SPOCK3: variants seen among roughly 807,000 people sequenced by gnomAD.
SPOCK3 encodes the protein SPARC (osteonectin), cwcv and kazal like domains proteoglycan 3, also known as testican-3.
A neutral mutation model predicts 56.6 loss-of-function variants in SPOCK3; 30 were observed. The observed-to-expected ratio is 0.53, with a 90% CI of 0.40 to 0.72. The LOEUF is 0.72. Among genes scored for constraint, SPOCK3 ranks in the 30% least tolerant of loss-of-function variants. SPOCK3 has a pLI of 0.00. For synonymous variants in SPOCK3, 196 were observed against 183.3 expected (o/e 1.07, Z -0.56); for missense variants, 527 against 530.0 (o/e 0.99, Z 0.06).
chr4:166,797,619 G>A (rs1742100485), intron 6 of SPOCK3, among the ~76,000 whole-genome samples: 1 of 151,582 alleles, frequency 6.6e-6, no homozygotes, highest in Non-Finnish European at 1.5e-5. Flanking sequence ...CATGAGTGAT[G>A]GAAACATTTT....
At chr4:166,810,224 T>C (rs1743628283) in intron 6 of SPOCK3, among the ~76,000 whole-genome samples, 1 of 152,120 alleles carries the variant, frequency 6.6e-6, no homozygotes, top group Non-Finnish European at 1.5e-5. Flanking sequence ...GTGTCCCTGA[T>C]AGTCTTCAAC....
At chr4:167,145,880 T>C (rs554527059) in intron 2 of SPOCK3, among the ~76,000 whole-genome samples, 2 of 152,056 alleles carry the variant, frequency 1.3e-5, no homozygotes, top group Non-Finnish European at 2.9e-5. Flanking sequence ...AGACCATAGA[T>C]GCTATGAAGA....
At chr4:166,752,289 C>T (rs1271175113) in intron 8 of SPOCK3, among the ~76,000 whole-genome samples, 1 of 152,070 alleles carries the variant, frequency 6.6e-6, no homozygotes, top group African/African-American at 2.4e-5. Context: ...TCCCAAAGTG[C>T]CAGGATTACA....
At chr4:166,903,593 T>A (rs1398245456) in intron 5 of SPOCK3, among the ~76,000 whole-genome samples, 2 of 152,124 alleles carry the variant, frequency 1.3e-5, no homozygotes, top group Non-Finnish European at 2.9e-5. Flanking sequence ...TCGAGCCTAC[T>A]CTACCATTCT....
chr4:166,745,020 C>T (rs556473378), intron 8 of SPOCK3, among the ~76,000 whole-genome samples: 38 of 152,184 alleles, frequency 2.5e-4, no homozygotes, highest in Non-Finnish European at 4.1e-4. Context: ...GATTGGTGTA[C>T]GTGAAAGTGA....
intron 7 of SPOCK3, among the ~76,000 whole-genome samples, chr4:166,789,580 A>C (rs530456196): frequency 1.3e-5 from 2 of 152,208 alleles, no homozygotes; most frequent in Non-Finnish European, 2.9e-5. Flanking sequence ...AAAGTTTTTA[A>C]CAAAGATATT....
chr4:166,904,688 TG>T (rs1320429998), intron 5 of SPOCK3, among the ~76,000 whole-genome samples: 1 of 151,928 alleles, frequency 6.6e-6, no homozygotes, highest in African/African-American at 2.4e-5. Context: ...AGAGTAGAAT[TG>T]GGGGTGTTAG....
intron 2 of SPOCK3, among the ~76,000 whole-genome samples, chr4:167,214,873 C>T (rs184021742): frequency 6.6e-6 from 1 of 152,120 alleles, no homozygotes; most frequent in African/African-American, 2.4e-5. Context: ...AGAAACCCAG[C>T]AGCCTACTGT....
intron 2 of SPOCK3, among the ~76,000 whole-genome samples, chr4:167,072,902 A>G (rs1487277752): frequency 2.6e-5 from 4 of 151,880 alleles, no homozygotes; most frequent in African/African-American, 9.7e-5. Context: ...ATCAAAGGCT[A>G]AATTAAGGTC....
At chr4:167,151,592 G>A (rs1424999353) in intron 2 of SPOCK3, among the ~76,000 whole-genome samples, 2 of 151,834 alleles carry the variant, frequency 1.3e-5, no homozygotes, top group African/African-American at 2.4e-5. Flanking sequence ...CCGCCACCAC[G>A]CCTGGCTAAT....
At chr4:167,223,275 TA>T (rs1309729436) in intron 2 of SPOCK3, among the ~76,000 whole-genome samples, 1 of 143,262 alleles carries the variant, frequency 7.0e-6, no homozygotes, top group African/African-American at 2.5e-5. Context: ...TATTCATTTA[TA>T]AATATGTATT....
At chr4:166,874,128 G>T (rs956376834) in intron 6 of SPOCK3, among the ~76,000 whole-genome samples, 1 of 152,046 alleles carries the variant, frequency 6.6e-6, no homozygotes, top group African/African-American at 2.4e-5. Flanking sequence ...GTCTTTCTCT[G>T]GGGTAGAGGT....
At chr4:166,934,817 T>G (rs997125551) in intron 4 of SPOCK3, among the ~76,000 whole-genome samples, 1 of 152,030 alleles carries the variant, frequency 6.6e-6, no homozygotes, top group African/African-American at 2.4e-5. Context: ...AAAGGCAGTT[T>G]AAATGGTAAT....
intron 2 of SPOCK3, among the ~76,000 whole-genome samples, chr4:167,156,822 C>T (rs180991973): frequency 2.0e-5 from 3 of 152,180 alleles, no homozygotes; most frequent in African/African-American, 7.2e-5. Flanking sequence ...TATTAAGACT[C>T]TTCCACAATT....
At chr4:166,954,749 A>T (rs547109762) in intron 4 of SPOCK3, among the ~76,000 whole-genome samples, 1 of 152,154 alleles carries the variant, frequency 6.6e-6, no homozygotes, top group African/African-American at 2.4e-5. Context: ...CTTCCACCAC[A>T]ATCCAAATTC....
intron 8 of SPOCK3, among the ~76,000 whole-genome samples, chr4:166,751,672 T>C (rs1342298033): frequency 6.6e-6 from 1 of 152,172 alleles, no homozygotes; most frequent in Non-Finnish European, 1.5e-5. Context: ...TGGAGCTGAA[T>C]AAATGTTAGT....
At chr4:166,817,021 C>T (rs778755789) in intron 6 of SPOCK3, among the ~76,000 whole-genome samples, 6 of 151,986 alleles carry the variant, frequency 3.9e-5, no homozygotes, top group South Asian at 4.1e-4. Context: ...AGCCTGACAT[C>T]GTTTTATGAA....
At chr4:167,083,155 T>A in intron 2 of SPOCK3, 4 of 764,392 alleles carry the variant, frequency 5.2e-6, no homozygotes, top group Non-Finnish European at 9.6e-6. Context: ...CCCTAGGCTG[T>A]TCTTCCTACA....
intron 4 of SPOCK3, among the ~76,000 whole-genome samples, chr4:166,949,903 C>G (rs932260547): frequency 6.0e-5 from 9 of 151,140 alleles, no homozygotes; most frequent in Non-Finnish European, 1.2e-4. Context: ...TTTGTCACCA[C>G]CAGGCCTGCC....
Sources: gnomAD v4.1 joint callset for allele counts (sites outside exome capture counted in the v4.1 genomes callset) on GRCh38, gnomAD v4.1.1 for gene constraint, MANE v1.5 for transcripts, NCBI Gene and HGNC (gene_info 2026-07-23, HGNC 2026-07-21) for gene names.